Variants in SPATA31H1 observed in about 807,000 individuals in gnomAD.
SPATA31H1 encodes the protein SPATA31 subfamily H member 1.
At chr2:27,547,919 A>G in the SPATA31H1 span, among the ~76,000 whole-genome samples, 1 of 151,366 alleles carries the variant, frequency 6.6e-6, no homozygotes, top group Admixed American at 6.6e-5. Context: ...AAACATAAGA[A>G]CTCTTTAAAA....
the SPATA31H1 span, chr2:27,572,860 C>A: frequency 5.0e-6 from 2 of 397,888 alleles, no homozygotes; most frequent in South Asian, 2.6e-4. Flanking sequence ...AACCTTGGGT[C>A]ACAGTTGCAC....
the SPATA31H1 span, chr2:27,570,403 C>T: frequency 2.5e-6 from 1 of 398,820 alleles, no homozygotes; most frequent in Non-Finnish European, 4.4e-6. Flanking sequence ...TCTGAATTGA[C>T]TTCAAGGCCA....
chr2:27,575,870 T>C, the SPATA31H1 span: 1 of 398,540 alleles, frequency 2.5e-6, no homozygotes, highest in African/African-American at 2.1e-5. This position sits in a 1 kb window ranked among gnomAD's most constrained non-coding sequence, Gnocchi z 4.1. Flanking sequence ...ATTTACAAGG[T>C]ATGAAATCGC....
the SPATA31H1 span, chr2:27,572,063 A>C: frequency 2.5e-6 from 1 of 398,488 alleles, no homozygotes; most frequent in Non-Finnish European, 4.4e-6. Context: ...TTCCAGAGCC[A>C]AAATCTGAAG....
the SPATA31H1 span, chr2:27,582,553 T>C: frequency 6.4e-7 from 1 of 1,557,760 alleles, no homozygotes; most frequent in Non-Finnish European, 8.7e-7. Flanking sequence ...TATTATTCAT[T>C]GTCCTAAGTC....
chr2:27,576,746 GGAT>G, the SPATA31H1 span: 1 of 1,614,038 alleles, frequency 6.2e-7, no homozygotes. Context: ...CACAGCAACA[GGAT>G]GTGAAATCTT....
At chr2:27,551,441 A>G in the SPATA31H1 span, among the ~76,000 whole-genome samples, 1 of 152,152 alleles carries the variant, frequency 6.6e-6, no homozygotes, top group East Asian at 1.9e-4. Flanking sequence ...CTGGGACAAA[A>G]CCAGATTATT....
At chr2:27,568,155 C>A in the SPATA31H1 span, 1 of 398,992 alleles carries the variant, frequency 2.5e-6, no homozygotes, top group Non-Finnish European at 4.4e-6. Flanking sequence ...TAACAAATCA[C>A]ATCCATGTAT....
chr2:27,541,364 C>G, the SPATA31H1 span, among the ~76,000 whole-genome samples: 2 of 150,706 alleles, frequency 1.3e-5, no homozygotes, highest in South Asian at 2.1e-4. Context: ...AGCTTTGGCT[C>G]GGCATCAGAG....
the SPATA31H1 span, chr2:27,567,686 A>G: frequency 5.0e-6 from 2 of 400,464 alleles, no homozygotes; most frequent in African/African-American, 4.1e-5. Context: ...AAACTCCTTT[A>G]CTGAAGAATG....
the SPATA31H1 span, among the ~76,000 whole-genome samples, chr2:27,550,084 A>C: frequency 6.6e-6 from 1 of 152,008 alleles, no homozygotes; most frequent in Admixed American, 6.5e-5. Flanking sequence ...GATGTTTTGG[A>C]TATTCTACAC....
At chr2:27,570,613 G>T in the SPATA31H1 span, 4 of 398,730 alleles carry the variant, frequency 1.0e-5, no homozygotes, top group East Asian at 3.6e-5. Flanking sequence ...TTAGTACCAG[G>T]AACTCAACCT....
the SPATA31H1 span, among the ~76,000 whole-genome samples, chr2:27,546,942 A>C: frequency 1.8e-4 from 27 of 151,980 alleles, no homozygotes; most frequent in Non-Finnish European, 3.5e-4. Context: ...TCACCACTTC[A>C]CTGTAATCCC....
chr2:27,539,781 A>T, the SPATA31H1 span, among the ~76,000 whole-genome samples: 1 of 10,670 alleles, frequency 9.4e-5, no homozygotes, highest in African/African-American at 4.1e-4. Flanking sequence ...GCGGCTGGCC[A>T]GGCAGAGGGG....
the SPATA31H1 span, chr2:27,581,750 T>A: frequency 1.2e-6 from 2 of 1,612,920 alleles, no homozygotes; most frequent in African/African-American, 2.7e-5. Context: ...GGAGGAGCCA[T>A]CGCAGTCCCT....
At chr2:27,578,809 C>T in the SPATA31H1 span, 1 of 1,614,156 alleles carries the variant, frequency 6.2e-7, no homozygotes, top group Non-Finnish European at 8.5e-7. Context: ...TCTGTCAGAA[C>T]AGCATCTGAA....
the SPATA31H1 span, chr2:27,576,175 C>CGCCGT: frequency 4.9e-6 from 2 of 405,084 alleles, no homozygotes; most frequent in South Asian, 1.2e-4. Context: ...GAATCAGGGA[C>CGCCGT]AAAATTTCAA....
chr2:27,562,161 T>C, the SPATA31H1 span, among the ~76,000 whole-genome samples: 5 of 152,326 alleles, frequency 3.3e-5, no homozygotes, highest in East Asian at 9.6e-4. Context: ...TAATGTATCT[T>C]AGTGTTTGGT....
chr2:27,577,108 T>G, the SPATA31H1 span: 1 of 1,614,166 alleles, frequency 6.2e-7, no homozygotes, highest in Non-Finnish European at 8.5e-7. The surrounding 1 kb of genome is among the most constrained non-coding windows in gnomAD (Gnocchi z 4.5). Context: ...GAGAAATCTG[T>G]GGGGTTGACC....
Sources: gnomAD v4.1 joint callset for allele counts (sites outside exome capture counted in the v4.1 genomes callset) on GRCh38, gnomAD v4.1.1 for gene constraint, Gnocchi (gnomAD v3.1) non-coding constraint, MANE v1.5 for transcripts, NCBI Gene and HGNC (gene_info 2026-07-23, HGNC 2026-07-21) for gene names.